The following FTO variants were observed in gnomAD, a reference collection of about 807,000 sequenced individuals.
FTO encodes alpha-ketoglutarate-dependent dioxygenase FTO.
FTO carries 47 observed loss-of-function variants against 63.9 expected under a neutral mutation model. The observed-to-expected ratio is 0.74, with a 90% CI of 0.58 to 0.94. The LOEUF (loss-of-function observed/expected upper bound fraction) is 0.94, where lower values mean the gene tolerates loss of function less well. Among genes scored for constraint, FTO ranks in the 40% least tolerant of loss-of-function variants. The probability of loss-of-function intolerance (pLI) is 0.00; values close to 1 mark genes in which losing one functional copy is unlikely to be tolerated. For synonymous variants in FTO, 207 were observed against 224.4 expected (o/e 0.92, Z 0.69); for missense variants, 562 against 618.1 (o/e 0.91, Z 0.96).
chr16:53,859,909 C>G (rs995255429), intron 4 of FTO, among the ~76,000 whole-genome samples: 2 of 152,128 alleles, frequency 1.3e-5, no homozygotes, highest in African/African-American at 2.4e-5. Context: ...ATAGAACTTT[C>G]ATATGACCCA....
intron 8 of FTO, among the ~76,000 whole-genome samples, chr16:54,002,803 T>G (rs1285414865): frequency 6.6e-6 from 1 of 152,190 alleles, no homozygotes; most frequent in African/African-American, 2.4e-5. Context: ...CCTCATACAT[T>G]ACTAGTGAGG....
chr16:53,875,248 C>T (rs191414781), intron 5 of FTO, among the ~76,000 whole-genome samples: 2 of 152,272 alleles, frequency 1.3e-5, no homozygotes, highest in Admixed American at 6.5e-5. Flanking sequence ...TTGTGGATCA[C>T]TTGAGTATAT....
chr16:53,743,713 CTTTAA>C (rs1464428336), intron 1 of FTO, among the ~76,000 whole-genome samples: 1 of 151,546 alleles, frequency 6.6e-6, no homozygotes, highest in African/African-American at 2.4e-5. Context: ...TTTCCCTATT[CTTTAA>C]TTTAATAATA....
Position 54,105,129 on chromosome 16 carries a change from G to T in FTO, c.1365-6633G>T, listed in dbSNP as rs138448572. ...GATATTTTTCTCAAGGTCACCCAGG[G>T]AATATATTAATAATTAGAGATAGTT... is the stretch of plus-strand genomic sequence containing the variant. On this transcript the variant is annotated intron_variant, in intron 8 of 8. Transcript: ENST00000471389. Among the ~76,000 whole-genome samples, 8 of 152,268 alleles carry T rather than the reference G, an allele frequency of 5.3e-5. No homozygotes were observed. In the East Asian group the frequency reaches 1.5e-3, roughly 29 times the overall value.
chr16:53,793,687 C>T (rs771442713), intron 1 of FTO, among the ~76,000 whole-genome samples: 5 of 152,102 alleles, frequency 3.3e-5, no homozygotes, highest in Non-Finnish European at 5.9e-5. Flanking sequence ...GGCGTGAACG[C>T]GGGAGACGGA....
chr16:53,844,912 GTTTT>G (rs57121366), intron 4 of FTO, among the ~76,000 whole-genome samples: 13 of 147,182 alleles, frequency 8.8e-5, no homozygotes, highest in African/African-American at 2.5e-4. Flanking sequence ...AGTAGTGAGA[GTTTT>G]TTTTTTTTTT....
chr16:54,110,478 G>A (rs1364650192), intron 8 of FTO, among the ~76,000 whole-genome samples: 3 of 152,170 alleles, frequency 2.0e-5, no homozygotes, highest in Non-Finnish European at 4.4e-5. Flanking sequence ...TGTAATGTAC[G>A]ACGGATTGAG....
intron 1 of FTO, among the ~76,000 whole-genome samples, chr16:53,721,874 A>G (rs2076049683): frequency 6.6e-6 from 1 of 152,184 alleles, no homozygotes; most frequent in Non-Finnish European, 1.5e-5. Context: ...CGGAAAAAGT[A>G]TAATTTTTTG....
At position 53,933,971 on chromosome 16, in the gene FTO, A is replaced by G. The variant is rs1462038819; in HGVS notation, c.1240-14A>G. 1 of 1,612,768 alleles carries G rather than the reference A, an allele frequency of 6.2e-7. No individual in the cohort carries two copies. The highest frequency in any genetic ancestry group is 1.1e-5 in the South Asian group (1 of 91,010). On this transcript the variant is annotated splice_polypyrimidine_tract_variant and intron_variant, in intron 7 of 8. Coordinates refer to ENST00000471389, the MANE Select transcript of FTO (RefSeq NM_001080432.3). ...TTCACTTTTTCTTTCTCTGTTTTGG[A>G]TCATTTCTTGTAGACAAATGCTGTG...
intron 1 of FTO, among the ~76,000 whole-genome samples, chr16:53,778,986 C>T (rs140736623): frequency 6.6e-6 from 1 of 151,736 alleles, no homozygotes; most frequent in Non-Finnish European, 1.5e-5. Context: ...TTAAGGAAAG[C>T]CTTCTCTAAA....
At chr16:53,934,535 A>T (rs953086560) in intron 8 of FTO, among the ~76,000 whole-genome samples, 2 of 152,060 alleles carry the variant, frequency 1.3e-5, no homozygotes, top group Admixed American at 1.3e-4. Flanking sequence ...TCCCTTAATG[A>T]TGGGGATAGG....
intron 8 of FTO, among the ~76,000 whole-genome samples, chr16:54,069,267 G>A (rs1229207034): frequency 7.2e-5 from 11 of 152,136 alleles, no homozygotes; most frequent in Admixed American, 2.6e-4. Flanking sequence ...AGCTGGGGCC[G>A]TCTGCACCAC....
At chr16:53,827,251 G>A (rs2079031549) in intron 3 of FTO, among the ~76,000 whole-genome samples, 1 of 152,120 alleles carries the variant, frequency 6.6e-6, no homozygotes, top group African/African-American at 2.4e-5. Flanking sequence ...TTGTTTCTGT[G>A]TGTTTATGGC....
chr16:53,820,560 T>C (rs1157232354), intron 2 of FTO, among the ~76,000 whole-genome samples: 2 of 151,818 alleles, frequency 1.3e-5, no homozygotes, highest in Non-Finnish European at 2.9e-5. Context: ...ACATGTGCCA[T>C]GCTGGTGCGC....
At chr16:54,072,517 T>C (rs1052557845) in intron 8 of FTO, 1 of 152,232 alleles carries the variant, frequency 6.6e-6, no homozygotes, top group Admixed American at 6.5e-5. Context: ...TCCAGTTATT[T>C]ATACTGCAGC....
rs1196730746 is a variant in FTO, at chr16:53,987,593, AAAAAG to A, written c.1364+53499_1364+53503del. ...GAAAGACTCTGTCTCAAAAAAAAAA[AAAAAG>A]AAAAGAAAAGAAAAATGACAGTATG... On this transcript the variant is annotated intron_variant, in intron 8 of 8. Coordinates refer to ENST00000471389, the MANE Select transcript of FTO (RefSeq NM_001080432.3). 2.7e-3 allele frequency among the ~76,000 whole-genome samples: 382 copies of A among 142,024 alleles called. 10 individuals are homozygous for A. The highest frequency in any genetic ancestry group is 7.0e-3 in the Middle Eastern group (2 of 284). 93.2% of individuals were successfully genotyped at this position (142,024 alleles called of 152,430 possible). A position where few individuals can be genotyped will look rare whatever the true frequency, so the allele number is the denominator to read the frequency against.
chr16:53,742,986 T>A (rs1287062137), intron 1 of FTO, among the ~76,000 whole-genome samples: 1 of 152,110 alleles, frequency 6.6e-6, no homozygotes, highest in Non-Finnish European at 1.5e-5. Flanking sequence ...CCTTAAAAAA[T>A]ATAATTTTCT....
chr16:54,035,313 T>C (rs1456730307), intron 8 of FTO, among the ~76,000 whole-genome samples: 3 of 152,250 alleles, frequency 2.0e-5, no homozygotes, highest in Admixed American at 2.0e-4. Flanking sequence ...CTTCTTCATT[T>C]TGATGGGGCC....
At chr16:53,898,601 C>A (rs2081330193) in intron 7 of FTO, among the ~76,000 whole-genome samples, 3 of 152,208 alleles carry the variant, frequency 2.0e-5, no homozygotes, top group Admixed American at 1.3e-4. Flanking sequence ...AGGTACTCGA[C>A]ACATGTTTGT....
Sources: gnomAD v4.1 joint callset for allele counts (sites outside exome capture counted in the v4.1 genomes callset) on GRCh38, gnomAD v4.1.1 for gene constraint, MANE v1.5 for transcripts, NCBI Gene and HGNC (gene_info 2026-07-23, HGNC 2026-07-21) for gene names.